Variants in RYR2 observed in about 807,000 individuals in gnomAD.
RYR2 encodes the protein cardiac muscle ryanodine receptor-calcium release channel.
RYR2 carries 227 observed loss-of-function variants against 601.1 expected under a neutral mutation model. The observed-to-expected ratio is 0.38, with a 90% CI of 0.34 to 0.42. The LOEUF (loss-of-function observed/expected upper bound fraction) is 0.42. Ranked by LOEUF, RYR2 falls within the 10% of genes least tolerant of loss-of-function variation. The pLI is 1.00. For missense variants in RYR2, 4,646 were observed against 6,156.5 expected (o/e 0.75, Z 8.21); for synonymous variants, 2,223 against 2,175.1 (o/e 1.02, Z -0.61).
chr1:237,551,530 CAAAAAAAA>C (rs34940458), intron 27 of RYR2, among the ~76,000 whole-genome samples: 2 of 90,546 alleles, frequency 2.2e-5, no homozygotes, highest in Non-Finnish European at 4.1e-5. Context: ...GACTCCGTCT[CAAAAAAAA>C]AAAAAAAAAA....
intron 17 of RYR2, among the ~76,000 whole-genome samples, chr1:237,474,296 T>TACACACACAC (rs753428719): frequency 6.0e-5 from 3 of 49,662 alleles, no homozygotes; most frequent in Admixed American, 2.6e-4. Context: ...TATATATATA[T>TACACACACAC]ACACACACAC....
intron 50 of RYR2, 34 bp from the exon 51 acceptor site, chr1:237,651,377 C>A (rs368434575): frequency 2.8e-6 from 4 of 1,416,200 alleles, no homozygotes; most frequent in East Asian, 2.4e-5. Flanking sequence ...AGAAACATTT[C>A]TTGGCATTAT....
chr1:237,366,674 TCACACACACACA>T lies in RYR2; in HGVS notation c.309+2326_309+2337del, dbSNP rs56679247. ...TTAATGTGTGTGTAAACCTCTTTAG[TCACACACACACA>T]CACACACACACACACACACACACTG... is the stretch of plus-strand genomic sequence containing the variant. On this transcript the variant is annotated intron_variant, in intron 5 of 104. Transcript: ENST00000366574. 7.2e-3 allele frequency among the ~76,000 whole-genome samples: 1,049 copies of T among 144,914 alleles called. 15 individuals carry two copies. Among genetic ancestry groups the T allele is most frequent in the African/African-American group, 0.025 (992 of 39,306 alleles).
intron 80 of RYR2, among the ~76,000 whole-genome samples, chr1:237,748,015 A>G (rs371663747): frequency 3.6e-4 from 55 of 152,286 alleles, no homozygotes; most frequent in Middle Eastern, 3.4e-3. Flanking sequence ...ACATTTTTAT[A>G]CAATAAAATT....
intron 41 of RYR2, among the ~76,000 whole-genome samples, 192 bp downstream of exon 41, chr1:237,628,272 A>G (rs1679887036): frequency 6.6e-6 from 1 of 151,988 alleles, no homozygotes; most frequent in Non-Finnish European, 1.5e-5. Flanking sequence ...CACAATGTGC[A>G]GGTTAGTTAC....
intron 70 of RYR2, among the ~76,000 whole-genome samples, chr1:237,711,363 A>G (rs1688824457): frequency 6.6e-6 from 1 of 152,366 alleles, no homozygotes; most frequent in Non-Finnish European, 1.5e-5. Context: ...AAAATCTGAC[A>G]GAATAGAAAG....
At chr1:237,389,414 C>T (rs750869551) in intron 10 of RYR2, among the ~76,000 whole-genome samples, 1 of 152,070 alleles carries the variant, frequency 6.6e-6, no homozygotes, top group Non-Finnish European at 1.5e-5. Context: ...ATGTGGGGAT[C>T]AGAGTGGAAT....
At chr1:237,074,046 A>G (rs551440718) in intron 1 of RYR2, among the ~76,000 whole-genome samples, 1 of 152,128 alleles carries the variant, frequency 6.6e-6, no homozygotes, top group African/African-American at 2.4e-5. Context: ...GCCCTAAATG[A>G]TGGCTCATGT....
intron 1 of RYR2, among the ~76,000 whole-genome samples, chr1:237,240,063 C>T (rs892603050): frequency 2.0e-5 from 3 of 152,174 alleles, no homozygotes; most frequent in South Asian, 4.1e-4. Flanking sequence ...GAGACACATT[C>T]GTTTACCATA....
intron 3 of RYR2, among the ~76,000 whole-genome samples, chr1:237,334,695 A>G (rs988319329): frequency 6.6e-6 from 1 of 152,124 alleles, no homozygotes; most frequent in African/African-American, 2.4e-5. Context: ...GCGTCTGCCT[A>G]TGCACATTCT....
intron 17 of RYR2, among the ~76,000 whole-genome samples, chr1:237,485,271 T>G (rs1485936152): frequency 6.6e-6 from 1 of 152,194 alleles, no homozygotes; most frequent in East Asian, 1.9e-4. Context: ...AATGGCAGAT[T>G]TATTTTGTTT....
chr1:237,771,985 T>A, intron 85 of RYR2, 27 bp from the exon 86 acceptor site: 2 of 1,298,174 alleles, frequency 1.5e-6, no homozygotes, highest in South Asian at 1.3e-5. Flanking sequence ...TGAGCAAGCA[T>A]TAATAACATT....
chr1:237,582,536 A>T (rs1370148297), intron 29 of RYR2, among the ~76,000 whole-genome samples: 4 of 152,244 alleles, frequency 2.6e-5, no homozygotes, highest in African/African-American at 9.6e-5. Flanking sequence ...CTTTCACCCA[A>T]ATACTGAATA....
At chr1:237,259,906 T>C (rs1416207884) in intron 1 of RYR2, among the ~76,000 whole-genome samples, 3 of 152,192 alleles carry the variant, frequency 2.0e-5, no homozygotes, top group African/African-American at 7.2e-5. Flanking sequence ...TATCACCACA[T>C]TAGGAATATG....
rs933820840 is a variant in RYR2 at position 237,433,034 on chromosome 1, T to G, written c.1006-8285T>G. ...ATTAAAATGTTTAGGTGACTGTGTGTGGGGGGGGGTATCTTAAAGAAAAGA... is the reference window on the plus strand; with the variant it reads ...ATTAAAATGTTTAGGTGACTGTGTGGGGGGGGGGGTATCTTAAAGAAAAGA... On this transcript the variant is annotated intron_variant, in intron 12 of 104. Transcript: ENST00000366574. 2.4e-4 allele frequency among the ~76,000 whole-genome samples: 8 copies of G among 32,956 alleles called. No homozygotes were observed. The South Asian group carries it at 6.4e-3, about 27-fold the overall frequency. The allele number at this position is 32,956 out of a possible 152,430, so 21.6% of individuals were successfully genotyped here. A position where few individuals can be genotyped will look rare whatever the true frequency, so the allele number is the denominator to read the frequency against.
Position 237,350,608 on chromosome 1 carries a change from T to A in RYR2, c.274-5357T>A, listed in dbSNP as rs865852198. Among the ~76,000 whole-genome samples the A allele has an allele frequency of 4.4e-4, 34 of 77,792 alleles. No individual in the cohort carries two copies. The East Asian group carries it at 4.9e-3, about 11-fold the overall frequency. 51.0% of individuals were successfully genotyped at this position (77,792 alleles called of 152,430 possible). A position where few individuals can be genotyped will look rare whatever the true frequency, so the allele number is the denominator to read the frequency against. ...AAAAAAAAAAAAAAAAAAAAATATA[T>A]ATATATATATATATATATATATATA... On this transcript the variant is annotated intron_variant, in intron 3 of 104. Coordinates refer to ENST00000366574, the MANE Select transcript of RYR2 (RefSeq NM_001035.3).
At position 237,590,771 on chromosome 1, in the gene RYR2, C is replaced by G. The variant is rs897918125; in HGVS notation, c.3939C>G (p.Val1313=). Residue 1313 remains valine (V), a synonymous_variant, in exon 31 of 105, where the codon GTC becomes GTG. Transcript: ENST00000366574. ...RLSMPIECAE[V]FSKTVAGGLP... ...GCATGCCGATCGAGTGCGCGGAGGT[C>G]TTCTCCAAGACGGTGGCTGGAGGGC... The G allele has an allele frequency of 1.2e-6, 2 of 1,613,784 alleles. No individual in the cohort carries two copies. The highest frequency in any genetic ancestry group is 2.7e-5 in the African/African-American group (2 of 74,914).
rs558367167 is a variant in RYR2 at position 237,047,411 on chromosome 1, C to T, written c.48+4842C>T. Among the ~76,000 whole-genome samples, 24 of 133,636 alleles carry T rather than the reference C, an allele frequency of 1.8e-4. No homozygotes were observed. The South Asian group carries it at 4.5e-3, about 25-fold the overall frequency. 87.7% of individuals were successfully genotyped at this position (133,636 alleles called of 152,430 possible). ...AGCCTTTTTTTTTTTTTTTTTGCCT[C>T]CCTATCCACTTACTCCTTCTGGTTT... On this transcript the variant is annotated intron_variant, in intron 1 of 104. Coordinates refer to ENST00000366574, the MANE Select transcript of RYR2 (RefSeq NM_001035.3).
intron 3 of RYR2, among the ~76,000 whole-genome samples, chr1:237,343,967 C>A (rs1698066100): frequency 6.6e-6 from 1 of 152,024 alleles, no homozygotes; most frequent in South Asian, 2.1e-4. Context: ...ATTGCAGGCA[C>A]CCACCACCAC....
Sources: allele counts gnomAD v4.1 joint callset (sites outside exome capture counted in the v4.1 genomes callset), GRCh38; gene constraint gnomAD v4.1.1; transcripts MANE v1.5; gene names NCBI Gene and HGNC (gene_info 2026-07-23, HGNC 2026-07-21).